Variants in DCLK1 observed in about 807,000 individuals in gnomAD.
DCLK1 encodes doublecortin like kinase 1, also known as serine/threonine-protein kinase DCLK1.
Under a neutral mutation model 86.2 loss-of-function variants are expected in DCLK1, and 16 were observed. The ratio of observed to expected loss-of-function variants is 0.19; its 90% confidence interval spans 0.13 to 0.28. The LOEUF (loss-of-function observed/expected upper bound fraction) is 0.28. DCLK1 is among the 10% of genes least tolerant of loss of function. The probability of loss-of-function intolerance (pLI) is 1.00; values close to 1 mark genes in which losing one functional copy is unlikely to be tolerated. For missense variants in DCLK1, 590 were observed against 940.2 expected, an observed-to-expected ratio of 0.63 and a Z score of 4.87; for synonymous variants, 369 against 370.5, an observed-to-expected ratio of 1.00 and a Z score of 0.05.
chr13:36,027,725 TTTTGTTTG>T (rs765803385), intron 3 of DCLK1, among the ~76,000 whole-genome samples: 1 of 152,168 alleles, frequency 6.6e-6, no homozygotes, highest in Non-Finnish European at 1.5e-5. Flanking sequence ...ATCTATTTTC[TTTTGTTTG>T]TTTGTTTGTT....
chr13:35,844,438 T>C (rs1870032638), intron 6 of DCLK1, among the ~76,000 whole-genome samples: 1 of 152,194 alleles, frequency 6.6e-6, no homozygotes, highest in African/African-American at 2.4e-5. Flanking sequence ...GCCTCAATTG[T>C]CCAATCACTA....
intron 3 of DCLK1, among the ~76,000 whole-genome samples, chr13:36,025,637 C>A (rs1004068263): frequency 6.6e-6 from 1 of 152,110 alleles, no homozygotes; most frequent in African/African-American, 2.4e-5. Flanking sequence ...CAAAACGAAC[C>A]AAAGGCCACA....
At chr13:36,019,102 C>G (rs1881656653) in intron 3 of DCLK1, among the ~76,000 whole-genome samples, 1 of 152,084 alleles carries the variant, frequency 6.6e-6, no homozygotes, top group African/African-American at 2.4e-5. Context: ...AAATGAGATG[C>G]ATTTTTTCCA....
chr13:35,809,316 TC>T (rs2087094953), intron 12 of DCLK1, among the ~76,000 whole-genome samples: 1 of 152,046 alleles, frequency 6.6e-6, no homozygotes, highest in Non-Finnish European at 1.5e-5. Context: ...GGAATAAAAA[TC>T]AAAGGAATGC....
chr13:35,950,551 T>C (rs1287576463), intron 3 of DCLK1, among the ~76,000 whole-genome samples: 4 of 152,254 alleles, frequency 2.6e-5, no homozygotes, highest in African/African-American at 9.6e-5. Context: ...TCAGTGTAGT[T>C]ACCAGTTTTT....
At chr13:35,962,091 C>T (rs905297934) in intron 3 of DCLK1, among the ~76,000 whole-genome samples, 1 of 152,168 alleles carries the variant, frequency 6.6e-6, no homozygotes, top group African/African-American at 2.4e-5. Flanking sequence ...CTATATGAAA[C>T]TCTACAGCGA....
At chr13:36,043,379 A>T (rs1882761837) in intron 3 of DCLK1, among the ~76,000 whole-genome samples, 1 of 152,042 alleles carries the variant, frequency 6.6e-6, no homozygotes, top group Non-Finnish European at 1.5e-5. Flanking sequence ...GTCAGAAAAA[A>T]ATTAAGACAT....
chr13:36,039,676 C>T (rs1882634214), intron 3 of DCLK1, among the ~76,000 whole-genome samples: 1 of 151,850 alleles, frequency 6.6e-6, no homozygotes, highest in Non-Finnish European at 1.5e-5. Flanking sequence ...CTTCTATCTT[C>T]CAAAACTAAG....
chr13:35,848,292 T>A (rs1870360959), intron 6 of DCLK1: 1 of 984,534 alleles, frequency 1.0e-6, no homozygotes, highest in Admixed American at 6.2e-5. Flanking sequence ...ACCAATGAAC[T>A]GAAAACTTCT....
chr13:35,838,948 A>G lies in DCLK1; in HGVS notation c.1120+144T>C. The G allele has an allele frequency of 4.4e-6, 3 of 688,612 alleles. No individual in the cohort carries two copies. In the East Asian group the frequency reaches 8.3e-5, roughly 19 times the overall value. 42.7% of individuals were successfully genotyped at this position (688,612 alleles called of 1,614,324 possible). A position where few individuals can be genotyped will look rare whatever the true frequency, so the allele number is the denominator to read the frequency against. On this transcript the variant is annotated intron_variant, in intron 7 of 16. Transcript: ENST00000360631. ...GATACCAATCCCTGGTGGGCACCATATTCAACCCTATCCCCTTGTGATTGA... is the reference window on the plus strand; with the variant it reads ...GATACCAATCCCTGGTGGGCACCATGTTCAACCCTATCCCCTTGTGATTGA...
rs1263548938 is a variant in DCLK1, at chr13:36,125,882, C to T, written c.256G>A (p.Ala86Thr). 1.9e-6 allele frequency: 3 copies of T among 1,614,094 alleles called. No homozygotes were observed. Among genetic ancestry groups the T allele is most frequent in the African/African-American group, 1.3e-5 (1 of 74,930 alleles). ...ISPDRFRSFE[A>T]LLADLTRTLS... ...GTTCGGGTCAAATCAGCCAGCAGGGCCTCAAAAGATCGGAACCGGTCTGGG... is the reference window on the plus strand; with the variant it reads ...GTTCGGGTCAAATCAGCCAGCAGGGTCTCAAAAGATCGGAACCGGTCTGGG... Residue 86 changes from alanine (A) to threonine (T), a missense_variant, in exon 2 of 17, where the codon GCC becomes ACC. This residue lies in a region of DCLK1 where 195 missense variants were observed against 365.1 expected (regional missense o/e 0.53). Transcript: ENST00000360631.
intron 3 of DCLK1, among the ~76,000 whole-genome samples, chr13:35,966,575 C>T (rs1314026059): frequency 7.0e-6 from 1 of 143,084 alleles, no homozygotes; most frequent in African/African-American, 2.6e-5. Flanking sequence ...GACTGTACTG[C>T]CGCCATCTCG....
intron 3 of DCLK1, among the ~76,000 whole-genome samples, chr13:36,063,730 T>G (rs1441537398): frequency 1.3e-5 from 2 of 152,226 alleles, no homozygotes; most frequent in African/African-American, 4.8e-5. Flanking sequence ...GTTCTTTTAT[T>G]GGACAATAAT....
chr13:35,867,964 A>AG (rs1491092159), intron 5 of DCLK1, among the ~76,000 whole-genome samples: 10 of 105,078 alleles, frequency 9.5e-5, no homozygotes, highest in South Asian at 6.0e-4. Flanking sequence ...AAAGAAAGAA[A>AG]GAGAAAAAGA....
At chr13:35,905,699 G>T (rs1478639204) in intron 4 of DCLK1, among the ~76,000 whole-genome samples, 1 of 152,052 alleles carries the variant, frequency 6.6e-6, no homozygotes, top group South Asian at 2.1e-4. Context: ...TATTCCCAGC[G>T]CATTGGGAGG....
intron 7 of DCLK1, among the ~76,000 whole-genome samples, chr13:35,838,065 C>CAAAAAAAAAAAAAAAAAAAAAAAAAAAAA (rs748395648): frequency 8.0e-5 from 8 of 100,374 alleles, no homozygotes; most frequent in East Asian, 2.8e-4. Context: ...GACTCCATCT[C>CAAAAAAAAAAAAAAAAAAAAAAAAAAAAA]AAAAAAAAAA....
chr13:35,922,718 C>G (rs896686951), intron 4 of DCLK1, among the ~76,000 whole-genome samples: 1 of 152,122 alleles, frequency 6.6e-6, no homozygotes, highest in Non-Finnish European at 1.5e-5. Flanking sequence ...GGCATAAATC[C>G]TGGTTGAAGA....
intron 3 of DCLK1, among the ~76,000 whole-genome samples, chr13:36,041,134 G>A (rs146885122): frequency 6.6e-6 from 1 of 152,124 alleles, no homozygotes; most frequent in African/African-American, 2.4e-5. Flanking sequence ...TCAGTTGATA[G>A]AGCAAAGAAA....
intron 11 of DCLK1, among the ~76,000 whole-genome samples, chr13:35,818,789 AT>A (rs398056282): frequency 1.5e-3 from 222 of 147,182 alleles, no homozygotes; most frequent in Non-Finnish European, 1.9e-3. Context: ...GAAGGTATTA[AT>A]TTTTTTTTTT....
Sources: gnomAD v4.1 joint callset for allele counts (sites outside exome capture counted in the v4.1 genomes callset) on GRCh38, gnomAD v4.1.1 for gene constraint, gnomAD v4.1.1 regional missense constraint, MANE v1.5 for transcripts, NCBI Gene and HGNC (gene_info 2026-07-23, HGNC 2026-07-21) for gene names.